The following NAV2 variants were observed in gnomAD, a reference collection of about 807,000 sequenced individuals.
The protein encoded by NAV2 is neuron navigator 2, also known as helicase, APC down-regulated 1.
NAV2 carries 54 observed loss-of-function variants against 223.2 expected under a neutral mutation model. The ratio of observed to expected loss-of-function variants is 0.24; its 90% CI spans 0.19 to 0.30. The LOEUF is 0.30. NAV2 is among the 10% of genes least tolerant of loss of function. NAV2 has a pLI of 1.00. For synonymous variants in NAV2, 1,279 were observed against 1,239.3 expected, an observed-to-expected ratio of 1.03 and a Z score of -0.67; for missense variants, 2,806 against 3,147.5, an observed-to-expected ratio of 0.89 and a Z score of 2.60.
Position 19,921,466 on chromosome 11 carries a change from C to T in NAV2, c.932-11710C>T, listed in dbSNP as rs139301100. Among the ~76,000 whole-genome samples, 838 of 152,308 alleles carry T rather than the reference C, an allele frequency of 5.5e-3. 8 individuals carry two copies. Among genetic ancestry groups the T allele is most frequent in the Middle Eastern group, 0.01 (3 of 294 alleles). ...AATGACTGCTAAATTGTCTGACGTT[C>T]CTATTTTTAAAAAGAACCTCCTGGA... On this transcript the variant is annotated intron_variant, in intron 6 of 37. Transcript: ENST00000349880.
At position 19,376,753 on chromosome 11, in the gene NAV2, G is replaced by C. The variant is rs536086717; in HGVS notation, c.75+25726G>C. 3.3e-5 allele frequency among the ~76,000 whole-genome samples: 5 copies of C among 152,326 alleles called. No homozygotes were observed. The East Asian group carries it at 9.6e-4, about 29-fold the overall frequency. ...CAAGTGCTCAGACATTAGCACTGGG[G>C]CTCTGGAAAAACAAAGAATGGACAC... On this transcript the variant is annotated intron_variant, in intron 1 of 37. Coordinates refer to the NAV2 transcript ENST00000360655.
At chr11:19,861,000 C>A (rs992649693) in intron 3 of NAV2, among the ~76,000 whole-genome samples, 5 of 128,792 alleles carry the variant, frequency 3.9e-5, no homozygotes, top group African/African-American at 1.2e-4. Context: ...AGCTTCGGCT[C>A]GGCATCAGAG....
intron 1 of NAV2, among the ~76,000 whole-genome samples, chr11:19,612,222 T>C (rs1408252894): frequency 6.6e-6 from 1 of 152,176 alleles, no homozygotes; most frequent in Non-Finnish European, 1.5e-5. Context: ...GCCTGGCCCA[T>C]GAGAGCATTT....
intron 1 of NAV2, among the ~76,000 whole-genome samples, chr11:19,478,071 C>T (rs1245992708): frequency 6.6e-6 from 1 of 152,064 alleles, no homozygotes; most frequent in Middle Eastern, 3.2e-3. Flanking sequence ...CTCAAAGAGC[C>T]CTTATACGGG....
At chr11:20,045,857 G>A (rs567654240) in intron 14 of NAV2, among the ~76,000 whole-genome samples, 187 bp downstream of exon 14, 9 of 152,322 alleles carry the variant, frequency 5.9e-5, no homozygotes, top group African/African-American at 2.2e-4. Flanking sequence ...AAAAACTTAG[G>A]CCTCTGGAAT....
At chr11:19,804,950 G>A (rs2058469966) in intron 1 of NAV2, among the ~76,000 whole-genome samples, 1 of 152,208 alleles carries the variant, frequency 6.6e-6, no homozygotes, top group Non-Finnish European at 1.5e-5. Flanking sequence ...GGGTCTTTAT[G>A]AGGAATCACC....
intron 1 of NAV2, among the ~76,000 whole-genome samples, chr11:19,420,564 A>G (rs1438908854): frequency 5.3e-5 from 8 of 152,254 alleles, no homozygotes; most frequent in African/African-American, 1.9e-4. Flanking sequence ...ACTACTACAC[A>G]TCAATGAGAA....
In NAV2 at chr11:19,835,030, G is replaced by A. The variant is rs576275685; in HGVS notation, c.385+2429G>A. ...CAGTATGTTGTGATAGATTAGTCATGTCTGCCTTGGGCTCAGAAGAGGCAA... is the reference window on the plus strand; with the variant it reads ...CAGTATGTTGTGATAGATTAGTCATATCTGCCTTGGGCTCAGAAGAGGCAA... On this transcript the variant is annotated intron_variant, in intron 2 of 37. Coordinates refer to ENST00000349880, the MANE Select transcript of NAV2 (RefSeq NM_145117.5). 1.3e-4 allele frequency among the ~76,000 whole-genome samples: 20 copies of A among 152,346 alleles called. No individual in the cohort carries two copies. The East Asian group carries it at 3.9e-3, about 29-fold the overall frequency.
intron 1 of NAV2, among the ~76,000 whole-genome samples, chr11:19,753,825 C>T (rs1032107847): frequency 3.3e-5 from 5 of 152,182 alleles, no homozygotes; most frequent in Admixed American, 6.5e-5. Context: ...GAGCCCTTGG[C>T]GGGTGGGGCA....
At chr11:19,548,458 C>T (rs1234624775) in intron 1 of NAV2, among the ~76,000 whole-genome samples, 1 of 152,162 alleles carries the variant, frequency 6.6e-6, no homozygotes, top group East Asian at 1.9e-4. Flanking sequence ...GTCATTTGCC[C>T]AAGGTCTCAC....
rs552390463 is a variant in NAV2, at chr11:19,764,302, A to C, written c.267+50340A>C. Reference sequence around the variant, plus strand: ...TAAGAAAAAGTATTGTAATGAAAACATGTGTTTATTTAATTGTACTAAATT... The same window carrying C: ...TAAGAAAAAGTATTGTAATGAAAACCTGTGTTTATTTAATTGTACTAAATT... On this transcript the variant is annotated intron_variant, in intron 1 of 37. Transcript: ENST00000349880. Among the ~76,000 whole-genome samples the C allele has an allele frequency of 3.3e-5, 5 of 152,370 alleles. No individual in the cohort carries two copies. The East Asian group carries it at 9.6e-4, about 29-fold the overall frequency.
At chr11:19,655,271 G>T (rs193178545) in intron 1 of NAV2, among the ~76,000 whole-genome samples, 5 of 152,280 alleles carry the variant, frequency 3.3e-5, no homozygotes, top group African/African-American at 1.2e-4. Flanking sequence ...TGAAGAAATA[G>T]GAATGCTTTT....
Position 19,762,611 on chromosome 11 carries a change from CTTTT to C in NAV2, c.267+48667_267+48670del, listed in dbSNP as rs35264238. ...GCTGTTACTTCAGCAGAGAAGTCTT[CTTTT>C]TTTTTTTTTTTTTTTTTGAGATGAC... On this transcript the variant is annotated intron_variant, in intron 1 of 37. Transcript: ENST00000349880. Among the ~76,000 whole-genome samples the C allele has an allele frequency of 4.6e-3, 505 of 109,554 alleles. 1 individual carries two copies. The highest frequency in any genetic ancestry group is 0.018 in the African/African-American group (480 of 26,852). The allele number at this position is 109,554 out of a possible 152,430, so 71.9% of individuals were successfully genotyped here. A position where few individuals can be genotyped will look rare whatever the true frequency, so the allele number is the denominator to read the frequency against.
chr11:19,450,555 A>C (rs1352743350), intron 1 of NAV2, among the ~76,000 whole-genome samples: 1 of 152,220 alleles, frequency 6.6e-6, no homozygotes, highest in Non-Finnish European at 1.5e-5. Flanking sequence ...ACAGCACATA[A>C]TTCAGAACCT....
chr11:20,036,398 A>C (rs1044849898), intron 12 of NAV2, among the ~76,000 whole-genome samples: 1 of 152,230 alleles, frequency 6.6e-6, no homozygotes. Context: ...AACAAACAAC[A>C]GAAAAGGATG....
chr11:19,998,879 A>T lies in NAV2; in HGVS notation c.2768+14632A>T. ...GACATCTCTTACTTTCATGTGTGTTAATTTTTATTTATTTGCCTGTTATGT... is the reference window on the plus strand; with the variant it reads ...GACATCTCTTACTTTCATGTGTGTTTATTTTTATTTATTTGCCTGTTATGT... On this transcript the variant is annotated intron_variant, in intron 11 of 37. Coordinates refer to ENST00000349880, the MANE Select transcript of NAV2 (RefSeq NM_145117.5). The surrounding 1 kb of genome is among the most constrained non-coding windows in gnomAD (Gnocchi z 5.0). 6.7e-6 allele frequency among the ~76,000 whole-genome samples: 1 copy of T among 150,276 alleles called. No homozygotes were observed. Among genetic ancestry groups the T allele is most frequent in the African/African-American group, 2.5e-5 (1 of 39,650 alleles).
intron 10 of NAV2, among the ~76,000 whole-genome samples, chr11:19,977,368 G>T (rs1280587496): frequency 2.6e-5 from 4 of 152,214 alleles, no homozygotes; most frequent in Non-Finnish European, 5.9e-5. Flanking sequence ...TCTCTCCAAA[G>T]GTTGTTGTTG....
At chr11:20,022,750 A>C in intron 11 of NAV2, 1 of 1,098,744 alleles carries the variant, frequency 9.1e-7, no homozygotes, top group Non-Finnish European at 1.1e-6. Flanking sequence ...GCTGTTGCAA[A>C]CTCCCCTGGG....
At chr11:19,825,158 G>A (rs1258390090) in intron 1 of NAV2, among the ~76,000 whole-genome samples, 5 of 151,794 alleles carry the variant, frequency 3.3e-5, no homozygotes, top group African/African-American at 1.2e-4. Flanking sequence ...TGGGCATGGT[G>A]GTGCACACCT....
Sources: gnomAD v4.1 joint callset for allele counts (sites outside exome capture counted in the v4.1 genomes callset) on GRCh38, gnomAD v4.1.1 for gene constraint, Gnocchi (gnomAD v3.1) non-coding constraint, MANE v1.5 for transcripts, NCBI Gene and HGNC (gene_info 2026-07-23, HGNC 2026-07-21) for gene names.